The following PKD1L3 variants were observed in gnomAD, a reference collection of about 807,000 sequenced individuals.
PKD1L3 encodes the protein polycystin 1 like 3, transient receptor potential channel interacting.
A neutral mutation model predicts 184.1 loss-of-function variants in PKD1L3; 239 were observed. The ratio of observed to expected loss-of-function variants is 1.30; its 90% CI spans 1.17 to 1.45. The LOEUF is 1.45. Among genes scored for constraint, PKD1L3 ranks in the 40% most tolerant of loss-of-function variants. PKD1L3 has a pLI of 0.00. For missense variants in PKD1L3, 2,660 were observed against 2,067.2 expected (o/e 1.29, Z -5.56); for synonymous variants, 996 against 778.8 (o/e 1.28, Z -4.64).
chr16:71,993,785 CTTTTT>C (rs35536077), intron 2 of PKD1L3, among the ~76,000 whole-genome samples: 1 of 151,850 alleles, frequency 6.6e-6, no homozygotes, highest in African/African-American at 2.4e-5. Context: ...TGATAACATT[CTTTTT>C]TTTGAGACAA....
Position 71,986,360 on chromosome 16 carries a change from A to T in PKD1L3, c.695T>A (p.Ile232Lys). 1 of 1,551,454 alleles carries T rather than the reference A, an allele frequency of 6.4e-7. No homozygotes were observed. The highest frequency in any genetic ancestry group is 8.7e-7 in the Non-Finnish European group (1 of 1,146,548). The change falls in exon 5 of 30, where the codon ATA (isoleucine) becomes AAA (lysine). Residue 232 changes from isoleucine to lysine, a missense_variant. Coordinates refer to ENST00000620267, the MANE Select transcript of PKD1L3 (RefSeq NM_181536.2). The stretch of plus-strand genomic sequence containing the variant: ...AGACACGGGCATGGTGAGCTGTGTT[A>T]TCACAGGGAGAGGCTGGCTGCTGGG... ...SEPSSQPLPV[I>K]TQLTMPVSVT...
intron 16 of PKD1L3, among the ~76,000 whole-genome samples, chr16:71,955,867 G>C (rs1381648015): frequency 1.3e-5 from 2 of 152,140 alleles, no homozygotes; most frequent in African/African-American, 2.4e-5. Flanking sequence ...GAAGAAGGAT[G>C]TGTTTGCTTC....
At position 71,999,939 on chromosome 16, in the gene PKD1L3, T is replaced by C. The variant is rs1262492503; in HGVS notation, c.40A>G (p.Arg14Gly). 7 of 1,542,800 alleles carry C rather than the reference T, an allele frequency of 4.5e-6. No homozygotes were observed. The East Asian group carries it at 7.4e-5, about 16-fold the overall frequency. The change falls in exon 1 of 30, where the codon AGA becomes GGA. Residue 14 changes from arginine (R) to glycine (G), a missense_variant. Arg to Gly is a moderately radical substitution (Grantham distance 125, BLOSUM62 -2). Transcript: ENST00000620267. The part of the protein sequence containing the change: ...KGGSWLWLYI[R>G]TSIILGSELN... Reference sequence around the variant, plus strand: ...TCACTTCCTAGAATAATACTTGTTCTGATGTATAACCAAAGCCAGCTTCCT... The same window carrying C: ...TCACTTCCTAGAATAATACTTGTTCCGATGTATAACCAAAGCCAGCTTCCT...
intron 24 of PKD1L3, among the ~76,000 whole-genome samples, chr16:71,939,097 T>A (rs760343210): frequency 6.6e-6 from 1 of 152,234 alleles, no homozygotes; most frequent in Non-Finnish European, 1.5e-5. Flanking sequence ...CTAGGCACCA[T>A]GGCATTCCTC....
chr16:71,950,903 T>A (rs1387113789), intron 19 of PKD1L3, among the ~76,000 whole-genome samples: 2 of 151,810 alleles, frequency 1.3e-5, no homozygotes, highest in South Asian at 2.1e-4. Context: ...CAGCTAATTT[T>A]TTTTTTTTTT....
chr16:71,930,020 A>AT (rs2037873578), intron 29 of PKD1L3, 32 bp downstream of exon 29: 4 of 1,536,026 alleles, frequency 2.6e-6, no homozygotes, highest in Non-Finnish European at 3.5e-6. Flanking sequence ...CAGTGATATA[A>AT]CAGCATGCTA....
At chr16:71,981,596 A>G (rs1274665522) in intron 7 of PKD1L3, among the ~76,000 whole-genome samples, 1 of 136,716 alleles carries the variant, frequency 7.3e-6, no homozygotes, top group Non-Finnish European at 1.5e-5. Flanking sequence ...GGCTGTGTGC[A>G]GTGGCATGAT....
chr16:71,971,847 A>C (rs1253654838), intron 12 of PKD1L3, among the ~76,000 whole-genome samples: 1 of 152,100 alleles, frequency 6.6e-6, no homozygotes, highest in African/African-American at 2.4e-5. Flanking sequence ...TTGAGAGGCC[A>C]AGGCGGGCAG....
intron 22 of PKD1L3, among the ~76,000 whole-genome samples, chr16:71,945,059 G>A (rs1212017479): frequency 1.0e-5 from 1 of 98,550 alleles, no homozygotes; most frequent in Non-Finnish European, 2.1e-5. Flanking sequence ...TACATATAAA[G>A]TTAATCTGCC....
chr16:71,942,687 G>T lies in PKD1L3; in HGVS notation c.4197C>A (p.Phe1399Leu). Residue 1399 changes from phenylalanine (F) to leucine (L), a missense_variant, in exon 24 of 30, where the codon TTC becomes TTA. Transcript: ENST00000620267. ...TGAACCTCCTTAGATGAAGTCCAGG[G>T]AATAGGCTCTTGGGACGCCCACAGG... is the stretch of plus-strand genomic sequence containing the variant. ...GHTCGRPKSL[F>L]PGLHLRRFSY... 6.4e-7 allele frequency: 1 copy of T among 1,551,708 alleles called. No homozygotes were observed. Among genetic ancestry groups the T allele is most frequent in the Non-Finnish European group, 8.7e-7 (1 of 1,147,006 alleles).
intron 14 of PKD1L3, 119 bp downstream of exon 14, chr16:71,967,787 A>C (rs1229862143): frequency 2.3e-6 from 2 of 862,476 alleles, no homozygotes; most frequent in Non-Finnish European, 3.6e-6. Context: ...TTAGAACTAG[A>C]AAATACCAAT....
At chr16:71,944,703 T>TG (rs1181252613) in intron 22 of PKD1L3, among the ~76,000 whole-genome samples, 5 of 79,952 alleles carry the variant, frequency 6.3e-5, no homozygotes. Context: ...TGTTTTTTGT[T>TG]TGTTTTTTTT....
At chr16:71,942,277 G>C (rs1488804159) in intron 24 of PKD1L3, among the ~76,000 whole-genome samples, 1 of 152,184 alleles carries the variant, frequency 6.6e-6, no homozygotes, top group South Asian at 2.1e-4. Context: ...AGGGTACAGA[G>C]AGCCAAGATG....
At chr16:71,959,936 T>C (rs894641753) in intron 16 of PKD1L3, among the ~76,000 whole-genome samples, 1 of 152,034 alleles carries the variant, frequency 6.6e-6, no homozygotes, top group African/African-American at 2.4e-5. Flanking sequence ...TTGGGCAACA[T>C]GGTGAGACCC....
chr16:71,937,667 G>A (rs2038226834), intron 24 of PKD1L3, among the ~76,000 whole-genome samples: 1 of 152,158 alleles, frequency 6.6e-6, no homozygotes, highest in Admixed American at 6.6e-5. Context: ...ACCCTACCTT[G>A]AAGGGAGGTG....
chr16:71,998,695 T>G (rs2040872363), intron 1 of PKD1L3, among the ~76,000 whole-genome samples: 1 of 152,014 alleles, frequency 6.6e-6, no homozygotes, highest in Non-Finnish European at 1.5e-5. Context: ...AGGTGATCCA[T>G]CCACCTCCAC....
At chr16:71,993,796 G>C (rs1360218679) in intron 2 of PKD1L3, among the ~76,000 whole-genome samples, 2 of 151,866 alleles carry the variant, frequency 1.3e-5, no homozygotes, top group African/African-American at 4.8e-5. Context: ...TTTTTTTTGA[G>C]ACAATTTTTG....
intron 22 of PKD1L3, among the ~76,000 whole-genome samples, chr16:71,945,301 TATATACACACACACACACACATATATAC>T (rs1267782434): frequency 0.023 from 1,286 of 55,432 alleles, 20 homozygotes; most frequent in East Asian, 0.17. Flanking sequence ...TATATATATA[TATATACACACACACACACACATATATAC>T]ACACACACAC....
intron 9 of PKD1L3, 126 bp from the exon 10 acceptor site, chr16:71,978,509 A>T: frequency 6.3e-6 from 1 of 158,836 alleles, no homozygotes; most frequent in Non-Finnish European, 1.2e-5. Context: ...ATATATATAT[A>T]TATATATATA....
Sources: allele counts gnomAD v4.1 joint callset (sites outside exome capture counted in the v4.1 genomes callset), GRCh38; gene constraint gnomAD v4.1.1; transcripts MANE v1.5; gene names NCBI Gene and HGNC (gene_info 2026-07-23, HGNC 2026-07-21).